The following CA5A variants were observed in gnomAD, a reference collection of about 807,000 sequenced individuals.
The protein encoded by CA5A is carbonic anhydrase 5A.
CA5A carries 28 observed loss-of-function variants against 37.1 expected under a neutral mutation model. The observed-to-expected ratio is 0.75, with a 90% CI of 0.56 to 1.03. The LOEUF is 1.03. Ranked by LOEUF, CA5A falls within the 50% of genes least tolerant of loss-of-function variation. The pLI, the probability that CA5A is intolerant of heterozygous loss-of-function variation, is 0.00. For synonymous variants in CA5A, 171 were observed against 158.4 expected (o/e 1.08, Z -0.60); for missense variants, 444 against 399.9 (o/e 1.11, Z -0.94).
chr16:87,921,424 G>A (rs1489105967), intron 2 of CA5A, among the ~76,000 whole-genome samples: 1 of 152,180 alleles, frequency 6.6e-6, no homozygotes, highest in African/African-American at 2.4e-5. Flanking sequence ...TTTTCAGGAG[G>A]GCCCTCACCT....
intron 1 of CA5A, among the ~76,000 whole-genome samples, chr16:87,935,151 C>T (rs948336791): frequency 6.6e-6 from 1 of 152,238 alleles, no homozygotes; most frequent in African/African-American, 2.4e-5. Flanking sequence ...GGTCTGGCTC[C>T]TAAGCCCATG....
intron 1 of CA5A, among the ~76,000 whole-genome samples, chr16:87,934,326 TG>T (rs1277285238): frequency 6.6e-6 from 1 of 152,154 alleles, no homozygotes; most frequent in African/African-American, 2.4e-5. Context: ...CCCAGCACTT[TG>T]GGAGGCTGAG....
intron 2 of CA5A, among the ~76,000 whole-genome samples, chr16:87,918,423 G>A (rs768464394): frequency 4.0e-5 from 6 of 149,842 alleles, no homozygotes; most frequent in Non-Finnish European, 5.9e-5. Context: ...TTCCTCCTTG[G>A]CCTTCAAGGC....
intron 4 of CA5A, chr16:87,882,543 A>G (rs1232933541): frequency 6.6e-6 from 1 of 152,194 alleles, no homozygotes; most frequent in Non-Finnish European, 1.5e-5. Flanking sequence ...CCATCCTGTC[A>G]CTTCGGGAGT....
chr16:87,885,952 C>T (rs1442369914), downstream of CA5A: 4 of 152,070 alleles, frequency 2.6e-5, no homozygotes, highest in African/African-American at 4.8e-5. Context: ...GTCTAGGCTC[C>T]GTCCCCAGAG....
chr16:87,916,107 G>A (rs146702514), intron 2 of CA5A, among the ~76,000 whole-genome samples: 1 of 150,136 alleles, frequency 6.7e-6, no homozygotes. Context: ...GGTGGAGCTT[G>A]CAGTGAGCAG....
Position 87,936,317 on chromosome 16 carries a change from T to C in CA5A, c.134A>G (p.Asn45Ser), listed in dbSNP as rs1320351979. The C allele has an allele frequency of 6.2e-6, 10 of 1,612,852 alleles. No individual in the cohort carries two copies. Among genetic ancestry groups the C allele is most frequent in the Non-Finnish European group, 8.5e-7 (1 of 1,178,890 alleles). The part of the protein sequence containing the change: ...SQRSCAWQTS[N>S]NTLHPLWTVP... ...TTTGAGGCTCTACTTACAAGTGTTA[T>C]TGCTGGTTTGCCATGCACAGGAACG... The change falls in exon 1 of 7, where the codon AAT (asparagine) becomes AGT (serine). Residue 45 changes from asparagine to serine, a missense_variant. Transcript: ENST00000649794.
chr16:87,925,326 G>C (rs1234413764), intron 2 of CA5A, among the ~76,000 whole-genome samples: 1 of 152,174 alleles, frequency 6.6e-6, no homozygotes, highest in Non-Finnish European at 1.5e-5. Context: ...GGGCTGTCCG[G>C]AGGGCCCCAG....
chr16:87,912,583 C>T (rs576423666), intron 2 of CA5A, among the ~76,000 whole-genome samples: 2 of 152,336 alleles, frequency 1.3e-5, no homozygotes, highest in East Asian at 3.9e-4. Context: ...GTACAAGGGA[C>T]AGAGGGAGGA....
At chr16:87,908,295 A>T (rs2055994931) in intron 2 of CA5A, among the ~76,000 whole-genome samples, 1 of 152,106 alleles carries the variant, frequency 6.6e-6, no homozygotes, top group Admixed American at 6.6e-5. Flanking sequence ...AAGCCTCTCT[A>T]CCTGTTAAAT....
intron 2 of CA5A, among the ~76,000 whole-genome samples, chr16:87,921,647 G>A (rs772039599): frequency 8.5e-5 from 13 of 152,174 alleles, no homozygotes; most frequent in Non-Finnish European, 1.5e-4. Flanking sequence ...AGTCGGGGAT[G>A]GGCTCGCTCC....
At chr16:87,916,340 G>C (rs1414891630) in intron 2 of CA5A, among the ~76,000 whole-genome samples, 5 of 152,096 alleles carry the variant, frequency 3.3e-5, no homozygotes, top group African/African-American at 1.2e-4. Flanking sequence ...TTTTAGTGTA[G>C]ATCCCAAATA....
At chr16:87,923,641 C>G in intron 2 of CA5A, 4 of 985,414 alleles carry the variant, frequency 4.1e-6, no homozygotes, top group Non-Finnish European at 4.8e-6. Context: ...GGCTGGGTGT[C>G]AGCTCAGGGT....
rs940708642 is a variant in CA5A at position 87,909,885 on chromosome 16, G to C, written c.341-4981C>G. Among the ~76,000 whole-genome samples, 51 of 152,172 alleles carry C rather than the reference G, an allele frequency of 3.4e-4. 1 individual carries two copies. The highest frequency in any genetic ancestry group is 2.9e-5 in the Non-Finnish European group (2 of 68,016). On this transcript the variant is annotated intron_variant, in intron 2 of 6. Coordinates refer to ENST00000649794, the MANE Select transcript of CA5A (RefSeq NM_001739.2). ...GGGTCAGGAGTGGGGTCTGGAGTCG[G>C]ACGCACGTTCAGAAGCTGGGGCCAC...
chr16:87,919,677 A>G (rs1396448089), intron 2 of CA5A, among the ~76,000 whole-genome samples: 1 of 152,194 alleles, frequency 6.6e-6, no homozygotes, highest in East Asian at 1.9e-4. Context: ...TGCTTAAGCC[A>G]CTTTGAGGTG....
chr16:87,933,378 C>T (rs1384390337), intron 1 of CA5A, among the ~76,000 whole-genome samples: 1 of 152,070 alleles, frequency 6.6e-6, no homozygotes, highest in Non-Finnish European at 1.5e-5. Context: ...TAAATGATCC[C>T]TAAAATTATT....
At chr16:87,902,316 T>C in intron 4 of CA5A, 109 bp downstream of exon 4, 1 of 704,638 alleles carries the variant, frequency 1.4e-6, no homozygotes, top group Non-Finnish European at 2.5e-6. Flanking sequence ...ACTGTGCCAC[T>C]GCACTCCAGC....
At chr16:87,920,177 G>A (rs1289583155) in intron 2 of CA5A, among the ~76,000 whole-genome samples, 1 of 152,194 alleles carries the variant, frequency 6.6e-6, no homozygotes, top group African/African-American at 2.4e-5. Context: ...CCCCTCACCC[G>A]AGGTCTGCAC....
chr16:87,931,778 G>A (rs2056409102), intron 1 of CA5A, among the ~76,000 whole-genome samples: 1 of 152,236 alleles, frequency 6.6e-6, no homozygotes, highest in East Asian at 1.9e-4. Context: ...AGTGGGCCCT[G>A]CGGCATCCTG....
Sources: allele counts gnomAD v4.1 joint callset (sites outside exome capture counted in the v4.1 genomes callset), GRCh38; gene constraint gnomAD v4.1.1; transcripts MANE v1.5; gene names NCBI Gene and HGNC (gene_info 2026-07-23, HGNC 2026-07-21).